CCBE1: variants seen among roughly 807,000 people sequenced by gnomAD.
The protein encoded by CCBE1 is collagen and calcium binding EGF domains 1.
In CCBE1, 37 loss-of-function variants were observed where a neutral mutation model predicts 50.0. The observed-to-expected ratio is 0.74, with a 90% CI of 0.57 to 0.97. CCBE1 has a LOEUF of 0.97. Among genes scored for constraint, CCBE1 ranks in the 50% least tolerant of loss-of-function variants. CCBE1 has a pLI of 0.00. For missense variants in CCBE1, 538 were observed against 523.8 expected (o/e 1.03, Z -0.26); for synonymous variants, 234 against 203.7 (o/e 1.15, Z -1.27).
At chr18:59,543,837 A>G (rs1598996467) in intron 2 of CCBE1, among the ~76,000 whole-genome samples, 1 of 141,050 alleles carries the variant, frequency 7.1e-6, no homozygotes, top group African/African-American at 2.6e-5. Flanking sequence ...TCCGTCTCAA[A>G]AAAAAAAAAA....
intron 3 of CCBE1, among the ~76,000 whole-genome samples, chr18:59,479,515 A>G (rs1912466350): frequency 6.6e-6 from 1 of 152,252 alleles, no homozygotes; most frequent in Non-Finnish European, 1.5e-5. Flanking sequence ...CCTCTGTTCC[A>G]AGTGCTTGAC....
intron 2 of CCBE1, among the ~76,000 whole-genome samples, chr18:59,494,692 A>G (rs1913265816): frequency 6.6e-6 from 1 of 152,220 alleles, no homozygotes; most frequent in African/African-American, 2.4e-5. Flanking sequence ...AGAGCTAATT[A>G]CAAAAGATTT....
Position 59,527,282 on chromosome 18 carries a change from T to C in CCBE1, c.213-47044A>G, listed in dbSNP as rs1394032707. On this transcript the variant is annotated intron_variant, in intron 2 of 10. Transcript: ENST00000439986. ...TTGTCTTTTTTTCTTTTTTTATCTC[T>C]GTTGGTTTGAAGTCTGTTTTATCAG... 5.3e-5 allele frequency among the ~76,000 whole-genome samples: 8 copies of C among 152,350 alleles called. No individual in the cohort carries two copies. The East Asian group carries it at 1.3e-3, about 26-fold the overall frequency.
At position 59,498,194 on chromosome 18, in the gene CCBE1, A is replaced by AT. The variant is rs1913446400; in HGVS notation, c.213-17957dup. 2.7e-5 allele frequency among the ~76,000 whole-genome samples: 4 copies of AT among 150,168 alleles called. No homozygotes were observed. In the South Asian group the frequency reaches 6.7e-4, roughly 25 times the overall value. The stretch of plus-strand genomic sequence containing the variant: ...GGCATTTCTGTTCTTTGCAACCAAG[A>AT]TCTTTTTTTTTTGTCCAGTTATACT... On this transcript the variant is annotated intron_variant, in intron 2 of 10. Transcript: ENST00000439986.
chr18:59,529,696 A>C (rs1914973378), intron 2 of CCBE1, among the ~76,000 whole-genome samples: 1 of 151,540 alleles, frequency 6.6e-6, no homozygotes, highest in Admixed American at 6.6e-5. Context: ...AGTCAGTCCC[A>C]GTGAGAGAAC....
At chr18:59,489,056 C>G (rs1307878117) in intron 2 of CCBE1, among the ~76,000 whole-genome samples, 1 of 152,188 alleles carries the variant, frequency 6.6e-6, no homozygotes, top group Non-Finnish European at 1.5e-5. Flanking sequence ...TTCACTCCTG[C>G]TCAAAGACAC....
rs1206441081 is a variant in CCBE1, at chr18:59,631,429, C to T, written c.212+65200G>A. 8.5e-5 allele frequency among the ~76,000 whole-genome samples: 13 copies of T among 152,088 alleles called. No individual in the cohort carries two copies. In the East Asian group the frequency reaches 9.6e-4, roughly 11 times the overall value. ...TTCTTTCACTTGCTACCGAGAGTGC[C>T]GACTTGAATCCAGAAACAATGAGAG... On this transcript the variant is annotated intron_variant, in intron 2 of 10. Coordinates refer to ENST00000439986, the MANE Select transcript of CCBE1 (RefSeq NM_133459.4).
intron 2 of CCBE1, among the ~76,000 whole-genome samples, chr18:59,570,799 A>G (rs1030809725): frequency 6.6e-6 from 1 of 152,190 alleles, no homozygotes; most frequent in African/African-American, 2.4e-5. Context: ...CCAAGGAATC[A>G]GAGCAGAATC....
intron 2 of CCBE1, among the ~76,000 whole-genome samples, chr18:59,683,066 A>G (rs1449801692): frequency 6.6e-6 from 1 of 152,202 alleles, no homozygotes; most frequent in Non-Finnish European, 1.5e-5. Flanking sequence ...AAAAAGTGAT[A>G]TATATTTTCA....
chr18:59,456,244 G>T (rs1050515779), intron 5 of CCBE1, among the ~76,000 whole-genome samples: 3 of 152,218 alleles, frequency 2.0e-5, no homozygotes, highest in Non-Finnish European at 4.4e-5. Context: ...GGTATCTCAC[G>T]TAATGGATGC....
chr18:59,516,584 T>C (rs192245692), intron 2 of CCBE1, among the ~76,000 whole-genome samples: 1 of 152,328 alleles, frequency 6.6e-6, no homozygotes, highest in East Asian at 1.9e-4. Context: ...TCACTGCAGT[T>C]TATCTTTGTT....
chr18:59,627,938 T>G (rs952960840), intron 2 of CCBE1, among the ~76,000 whole-genome samples: 1 of 152,208 alleles, frequency 6.6e-6, no homozygotes, highest in Non-Finnish European at 1.5e-5. Context: ...TTCTGCCAGG[T>G]GCAGTGGCTC....
intron 2 of CCBE1, 154 bp downstream of exon 2, chr18:59,696,475 C>G (rs79279550): frequency 3.6e-4 from 550 of 1,507,054 alleles, no homozygotes; most frequent in Non-Finnish European, 4.6e-4. Context: ...AACCAACCCT[C>G]AAAGATTCGC....
rs80114013 is a variant in CCBE1 at position 59,615,940 on chromosome 18, A to G, written c.212+80689T>C. ...ATTATTAAACCTAGGTTACTTTAAA[A>G]AATCCTACTACCATGGCCATATTGG... On this transcript the variant is annotated intron_variant, in intron 2 of 10. Transcript: ENST00000439986. Among the ~76,000 whole-genome samples the G allele has an allele frequency of 2.9e-4, 44 of 152,332 alleles. No individual in the cohort carries two copies. In the East Asian group the frequency reaches 8.1e-3, roughly 28 times the overall value.
chr18:59,515,711 T>C (rs1179212261), intron 2 of CCBE1, among the ~76,000 whole-genome samples: 1 of 152,136 alleles, frequency 6.6e-6, no homozygotes, highest in Non-Finnish European at 1.5e-5. Context: ...TCTTTAGAGA[T>C]AGGCAGGGGA....
At chr18:59,578,466 T>A (rs1225706852) in intron 2 of CCBE1, among the ~76,000 whole-genome samples, 1 of 152,204 alleles carries the variant, frequency 6.6e-6, no homozygotes, top group Non-Finnish European at 1.5e-5. Flanking sequence ...CAAAGGATTA[T>A]AAATCATTCT....
chr18:59,456,104 A>G (rs1340695611), intron 5 of CCBE1, among the ~76,000 whole-genome samples: 2 of 152,158 alleles, frequency 1.3e-5, no homozygotes, highest in Non-Finnish European at 2.9e-5. Context: ...TACCCACGGA[A>G]GTCTGAAAAT....
At chr18:59,541,616 G>T (rs910722307) in intron 2 of CCBE1, among the ~76,000 whole-genome samples, 1 of 152,126 alleles carries the variant, frequency 6.6e-6, no homozygotes. Context: ...TCAGTCCTAG[G>T]TGTCCATATT....
chr18:59,590,684 A>G (rs1331783747), intron 2 of CCBE1, among the ~76,000 whole-genome samples: 1 of 152,236 alleles, frequency 6.6e-6, no homozygotes, highest in Non-Finnish European at 1.5e-5. Flanking sequence ...AGACCAATGG[A>G]TTAGAGCAGA....
Sources: gnomAD v4.1 joint callset for allele counts (sites outside exome capture counted in the v4.1 genomes callset) on GRCh38, gnomAD v4.1.1 for gene constraint, MANE v1.5 for transcripts, NCBI Gene and HGNC (gene_info 2026-07-23, HGNC 2026-07-21) for gene names.